KLF13: variants seen among roughly 807,000 people sequenced by gnomAD.
The protein encoded by KLF13 is Krueppel-like factor 13.
KLF13 carries 8 observed loss-of-function variants against 16.7 expected under a neutral mutation model. The observed-to-expected ratio is 0.48, with a 90% confidence interval of 0.28 to 0.87. The LOEUF is 0.87. KLF13 is among the 40% of genes least tolerant of loss of function. The pLI, the probability that KLF13 is intolerant of heterozygous loss-of-function variation, is 0.10. For synonymous variants in KLF13, 245 were observed against 208.4 expected (o/e 1.18, Z -1.51); for missense variants, 447 against 452.2 (o/e 0.99, Z 0.10).
intron 1 of KLF13, among the ~76,000 whole-genome samples, chr15:31,410,358 A>G (rs1254348253): frequency 6.6e-6 from 1 of 152,106 alleles, no homozygotes; most frequent in Non-Finnish European, 1.5e-5. Context: ...ACCAAAAAGA[A>G]AACAGGTAGC....
chr15:31,378,471 A>G (rs1201172630), downstream of KLF13, among the ~76,000 whole-genome samples: 3 of 152,106 alleles, frequency 2.0e-5, no homozygotes, highest in African/African-American at 7.2e-5. Flanking sequence ...TTAAGTCCCC[A>G]ATGAACACTA....
intron 1 of KLF13, among the ~76,000 whole-genome samples, chr15:31,340,446 G>A (rs369586486): frequency 1.3e-5 from 2 of 152,232 alleles, no homozygotes; most frequent in Non-Finnish European, 2.9e-5. Flanking sequence ...TGTGGTGAGG[G>A]CCCCAGCATC....
At chr15:31,427,491 C>T (rs1450984379) in intron 1 of KLF13, among the ~76,000 whole-genome samples, 1 of 152,096 alleles carries the variant, frequency 6.6e-6, no homozygotes, top group Non-Finnish European at 1.5e-5. Flanking sequence ...TGAAAACAGG[C>T]TTTCAAAGTG....
chr15:31,381,791 G>T (rs531212725), downstream of KLF13, among the ~76,000 whole-genome samples: 3 of 152,310 alleles, frequency 2.0e-5, no homozygotes, highest in South Asian at 4.1e-4. Flanking sequence ...TAAAAAGTAG[G>T]AGTAATAGTA....
chr15:31,411,221 C>T (rs1423934924), intron 1 of KLF13, among the ~76,000 whole-genome samples: 1 of 151,994 alleles, frequency 6.6e-6, no homozygotes, highest in Non-Finnish European at 1.5e-5. Flanking sequence ...CAACAATCAT[C>T]AATATAAATT....
chr15:31,416,414 A>T (rs982716670), intron 1 of KLF13, among the ~76,000 whole-genome samples: 6 of 152,150 alleles, frequency 3.9e-5, no homozygotes, highest in Non-Finnish European at 7.4e-5. Context: ...TAGCAAACCA[A>T]ATTCAGCAAT....
At chr15:31,410,116 A>G (rs1306284469) in intron 1 of KLF13, among the ~76,000 whole-genome samples, 3 of 152,182 alleles carry the variant, frequency 2.0e-5, no homozygotes, top group African/African-American at 7.2e-5. Context: ...TGGAGGAAAT[A>G]ATTGAGAATA....
At chr15:31,385,028 T>G (rs2039777867) in intron 1 of KLF13, among the ~76,000 whole-genome samples, 1 of 152,122 alleles carries the variant, frequency 6.6e-6, no homozygotes, top group African/African-American at 2.4e-5. Flanking sequence ...TCCTCATGAA[T>G]GGGATTGATC....
chr15:31,341,944 C>T (rs2039030184), intron 1 of KLF13, among the ~76,000 whole-genome samples: 1 of 152,160 alleles, frequency 6.6e-6, no homozygotes, highest in African/African-American at 2.4e-5. Context: ...GCTATGGAGA[C>T]CCTGTTGCTA....
chr15:31,355,941 C>G (rs2039293194), intron 1 of KLF13, among the ~76,000 whole-genome samples: 1 of 152,106 alleles, frequency 6.6e-6, no homozygotes, highest in Non-Finnish European at 1.5e-5. Flanking sequence ...CATCCAGGCC[C>G]CACTTCCTGG....
chr15:31,368,731 A>G (rs977124383), intron 1 of KLF13, among the ~76,000 whole-genome samples: 1 of 152,170 alleles, frequency 6.6e-6, no homozygotes, highest in Admixed American at 6.5e-5. Context: ...AGGCGCCTGT[A>G]ATCCCAGCTA....
intron 1 of KLF13, among the ~76,000 whole-genome samples, chr15:31,384,094 A>T (rs375367309): frequency 7.2e-5 from 11 of 152,200 alleles, no homozygotes; most frequent in East Asian, 1.9e-4. Context: ...TGATTTATTA[A>T]AACACTTTTC....
intron 1 of KLF13, among the ~76,000 whole-genome samples, chr15:31,340,875 A>C (rs149749886): frequency 0.014 from 2,161 of 152,340 alleles, 26 homozygotes; most frequent in Non-Finnish European, 0.023. Flanking sequence ...TCTTAAAAAC[A>C]AAAGAAAAAA....
intron 1 of KLF13, among the ~76,000 whole-genome samples, chr15:31,423,159 A>ACATATACGTG (rs1422259078): frequency 4.2e-5 from 5 of 118,732 alleles, no homozygotes; most frequent in Admixed American, 1.5e-4. Context: ...ATATACGTAT[A>ACATATACGTG]TATATGTATA....
intron 1 of KLF13, among the ~76,000 whole-genome samples, chr15:31,362,259 A>G (rs2039401818): frequency 6.6e-6 from 1 of 152,222 alleles, no homozygotes; most frequent in Non-Finnish European, 1.5e-5. Flanking sequence ...TGCTGGGCCT[A>G]TCAAACAATT....
intron 1 of KLF13, among the ~76,000 whole-genome samples, chr15:31,330,604 C>G (rs1438967979): frequency 6.6e-6 from 1 of 152,214 alleles, no homozygotes; most frequent in East Asian, 1.9e-4. Context: ...GGCCGTGGCT[C>G]TGCTCTGATT....
At chr15:31,392,717 C>G (rs1166038437), upstream of KLF13, 1 of 152,250 alleles carries the variant, frequency 6.6e-6, no homozygotes, top group Non-Finnish European at 1.5e-5. Flanking sequence ...GGTATTTTAA[C>G]AATGGGGGTC....
At chr15:31,411,888 C>T (rs1296325449) in intron 1 of KLF13, among the ~76,000 whole-genome samples, 2 of 152,098 alleles carry the variant, frequency 1.3e-5, no homozygotes, top group Admixed American at 1.3e-4. Context: ...AAGCTAGCAT[C>T]ATATTTGGTT....
chr15:31,421,770 G>A (rs897427825), intron 1 of KLF13, among the ~76,000 whole-genome samples: 1 of 152,004 alleles, frequency 6.6e-6, no homozygotes, highest in Non-Finnish European at 1.5e-5. Context: ...CAACAAAATG[G>A]CAAAGTATGT....
Sources: gnomAD v4.1 joint callset for allele counts (sites outside exome capture counted in the v4.1 genomes callset) on GRCh38, gnomAD v4.1.1 for gene constraint, MANE v1.5 for transcripts, NCBI Gene and HGNC (gene_info 2026-07-23, HGNC 2026-07-21) for gene names.